Variants in SH3YL1 observed in about 807,000 individuals in gnomAD.
SH3YL1 encodes the protein SH3 domain-containing YSC84-like protein 1.
SH3YL1 carries 41 observed loss-of-function variants against 45.8 expected under a neutral mutation model. The ratio of observed to expected loss-of-function variants is 0.89; its 90% CI spans 0.70 to 1.16. SH3YL1 has a LOEUF of 1.16. SH3YL1 is among the 50% of genes most tolerant of loss of function. SH3YL1 has a pLI of 0.00. For missense variants in SH3YL1, 389 were observed against 409.6 expected, an observed-to-expected ratio of 0.95 and a Z score of 0.43; for synonymous variants, 152 against 151.4, an observed-to-expected ratio of 1.00 and a Z score of -0.03.
At chr2:223,334 A>T (rs375104885) in intron 9 of SH3YL1, among the ~76,000 whole-genome samples, 1 of 152,194 alleles carries the variant, frequency 6.6e-6, no homozygotes, top group African/African-American at 2.4e-5. Context: ...TCACATTACC[A>T]AGGCATTCTT....
At chr2:224,128 G>A (rs369571837) in intron 9 of SH3YL1, among the ~76,000 whole-genome samples, 6 of 152,226 alleles carry the variant, frequency 3.9e-5, no homozygotes, top group African/African-American at 1.4e-4. Context: ...AATGACGAAA[G>A]TATTCAATGT....
At chr2:226,931 G>A (rs937747065) in intron 8 of SH3YL1, among the ~76,000 whole-genome samples, 9 of 152,118 alleles carry the variant, frequency 5.9e-5, no homozygotes, top group African/African-American at 2.2e-4. Flanking sequence ...TGCATATGGT[G>A]GATAGTAACC....
chr2:230,670 C>T (rs1281697727), intron 7 of SH3YL1: 1 of 292,378 alleles, frequency 3.4e-6, no homozygotes, highest in East Asian at 9.2e-5. Context: ...CCATGCCCAG[C>T]TAATGTTTCT....
intron 4 of SH3YL1, chr2:244,486 A>G (rs990785069): frequency 2.6e-5 from 4 of 151,706 alleles, no homozygotes; most frequent in African/African-American, 9.7e-5. Flanking sequence ...ACAGAGCAAG[A>G]CTCTGCCTCA....
intron 7 of SH3YL1, chr2:230,663 T>A (rs549413571): frequency 2.1e-5 from 6 of 288,082 alleles, no homozygotes; most frequent in Non-Finnish European, 4.0e-5. Context: ...CACGCCACCA[T>A]GCCCAGCTAA....
In SH3YL1 at chr2:231,065, T is replaced by G. The variant is rs760775823; in HGVS notation, c.660A>C (p.Arg220=). 22 of 1,614,184 alleles carry G rather than the reference T, an allele frequency of 1.4e-5. No individual in the cohort carries two copies. In the East Asian group the frequency reaches 4.7e-4, roughly 34 times the overall value. Residue 220 remains arginine, a synonymous_variant, in exon 7 of 10, where the codon CGA becomes CGC. Transcript: ENST00000356150. ...CCCTTGCTGCTTTTCTTGCATTGAT[T>G]CGTTGTCCTTCATTTTCATACTTTT... The part of the protein sequence containing the change: ...FTEKYENEGQ[R]INARKAAREQ...
At chr2:257,562 A>C (rs568350211) in intron 1 of SH3YL1, among the ~76,000 whole-genome samples, 1 of 152,296 alleles carries the variant, frequency 6.6e-6, no homozygotes, top group South Asian at 2.1e-4. Flanking sequence ...TACACTGCTA[A>C]GTGTTCACAT....
intron 4 of SH3YL1, among the ~76,000 whole-genome samples, chr2:244,046 A>T (rs1214705413): frequency 6.6e-6 from 1 of 152,122 alleles, no homozygotes; most frequent in African/African-American, 2.4e-5. Flanking sequence ...TGCTGCCTGG[A>T]TGTGGGAGCA....
rs566347980 is a variant in SH3YL1 at position 253,133 on chromosome 2, A to G, written c.2-18T>C. ...GTTATTCACTGAAACATAACAAAAG[A>G]TATTTTAATGAAAAATTCTGCTAAA... On this transcript the variant is annotated intron_variant, in intron 1 of 9. Transcript: ENST00000356150. The G allele has an allele frequency of 3.0e-6, 4 of 1,344,654 alleles. No homozygotes were observed. Among genetic ancestry groups the G allele is most frequent in the East Asian group, 2.5e-5 (1 of 39,860 alleles). 83.3% of individuals were successfully genotyped at this position (1,344,654 alleles called of 1,614,324 possible).
intron 8 of SH3YL1, among the ~76,000 whole-genome samples, chr2:228,978 A>G (rs1667914067): frequency 1.3e-5 from 2 of 152,214 alleles, no homozygotes; most frequent in African/African-American, 2.4e-5. Flanking sequence ...ATGTTTCTAC[A>G]TGTAATCTCT....
rs773056452 is a variant in SH3YL1 at position 253,134 on chromosome 2, T to C, written c.2-19A>G. 11 of 1,331,434 alleles carry C rather than the reference T, an allele frequency of 8.3e-6. No homozygotes were observed. The highest frequency in any genetic ancestry group is 1.1e-5 in the Non-Finnish European group (11 of 965,588). The allele number at this position is 1,331,434 out of a possible 1,614,324, so 82.5% of individuals were successfully genotyped here. ...TTATTCACTGAAACATAACAAAAGA[T>C]ATTTTAATGAAAAATTCTGCTAAAT... On this transcript the variant is annotated intron_variant, in intron 1 of 9. Coordinates refer to ENST00000356150, the MANE Select transcript of SH3YL1 (RefSeq NM_015677.4).
chr2:238,930 C>T (rs1668422148), intron 4 of SH3YL1, among the ~76,000 whole-genome samples: 1 of 152,298 alleles, frequency 6.6e-6, no homozygotes, highest in South Asian at 2.1e-4. Context: ...GAACTCTCCA[C>T]CCTGTAGAAT....
chr2:239,497 C>A (rs1042219209), intron 4 of SH3YL1: 1 of 152,224 alleles, frequency 6.6e-6, no homozygotes. Context: ...TAGCCCAGAA[C>A]AGGCAAGCTT....
At chr2:227,673 T>A (rs1302373601) in intron 8 of SH3YL1, among the ~76,000 whole-genome samples, 1 of 152,200 alleles carries the variant, frequency 6.6e-6, no homozygotes, top group Non-Finnish European at 1.5e-5. Flanking sequence ...TGTTTGTACA[T>A]GCCATGTGTA....
chr2:221,575 G>A (rs1221342086), intron 9 of SH3YL1, among the ~76,000 whole-genome samples: 1 of 152,192 alleles, frequency 6.6e-6, no homozygotes, highest in Non-Finnish European at 1.5e-5. Context: ...GAGGAGCAAC[G>A]TGGGTGGTTT....
intron 9 of SH3YL1, among the ~76,000 whole-genome samples, chr2:223,568 A>C (rs545634907): frequency 6.6e-6 from 1 of 152,350 alleles, no homozygotes; most frequent in South Asian, 2.1e-4. Context: ...CTTGGTGTCA[A>C]CATTTATACC....
chr2:244,201 TAA>T (rs35001894), intron 4 of SH3YL1, among the ~76,000 whole-genome samples: 1 of 147,334 alleles, frequency 6.8e-6, no homozygotes, highest in African/African-American at 2.5e-5. Flanking sequence ...ACAAGTTTTG[TAA>T]AAAAAAAAAA....
intron 1 of SH3YL1, 186 bp downstream of exon 1, chr2:263,797 CA>C (rs1202595000): frequency 1.2e-5 from 6 of 494,768 alleles, no homozygotes; most frequent in Non-Finnish European, 2.2e-5. Context: ...AAACTTCAAT[CA>C]AAATCGCTGT....
At chr2:240,873 C>T (rs936556510) in intron 4 of SH3YL1, 10 of 152,386 alleles carry the variant, frequency 6.6e-5, no homozygotes, top group African/African-American at 2.2e-4. Context: ...ACAGTCCAGC[C>T]ATATCTCTAA....
Sources: gnomAD v4.1 joint callset for allele counts (sites outside exome capture counted in the v4.1 genomes callset) on GRCh38, gnomAD v4.1.1 for gene constraint, MANE v1.5 for transcripts, NCBI Gene and HGNC (gene_info 2026-07-23, HGNC 2026-07-21) for gene names.